HSDL2: variants seen among roughly 807,000 people sequenced by gnomAD.
The protein encoded by HSDL2 is hydroxysteroid dehydrogenase like 2.
HSDL2 carries 27 observed loss-of-function variants against 46.3 expected under a neutral mutation model. The ratio of observed to expected loss-of-function variants is 0.58; its 90% CI spans 0.43 to 0.80. The LOEUF is 0.80. Ranked by LOEUF, HSDL2 falls within the 30% of genes least tolerant of loss-of-function variation. The pLI is 0.00. For missense variants in HSDL2, 451 were observed against 502.7 expected, an observed-to-expected ratio of 0.90 and a Z score of 0.98; for synonymous variants, 153 against 163.6, an observed-to-expected ratio of 0.94 and a Z score of 0.50.
chr9:112,412,310 G>A (rs1796783572), intron 4 of HSDL2, among the ~76,000 whole-genome samples: 1 of 152,186 alleles, frequency 6.6e-6, no homozygotes, highest in African/African-American at 2.4e-5. Context: ...TTCATGACAT[G>A]AAATGACTTC....
rs563423535 is a variant in HSDL2, at chr9:112,464,197, C to T, written c.1144+4620C>T. Among the ~76,000 whole-genome samples, 11 of 150,922 alleles carry T rather than the reference C, an allele frequency of 7.3e-5. No individual in the cohort carries two copies. The South Asian group carries it at 2.3e-3, about 32-fold the overall frequency. On this transcript the variant is annotated intron_variant, in intron 10 of 10. Coordinates refer to ENST00000398805, the MANE Select transcript of HSDL2 (RefSeq NM_032303.5). ...GCCTGAATAACATAGTGAGACCCTG[C>T]TTCTACACACACACAGACACACACA...
chr9:112,398,976 T>A (rs1324602851), intron 1 of HSDL2, among the ~76,000 whole-genome samples: 1 of 152,176 alleles, frequency 6.6e-6, no homozygotes, highest in Non-Finnish European at 1.5e-5. Context: ...TCACCAATTG[T>A]CAGGGAGCCG....
intron 9 of HSDL2, among the ~76,000 whole-genome samples, chr9:112,454,606 G>C (rs911458232): frequency 6.6e-6 from 1 of 152,204 alleles, no homozygotes. Flanking sequence ...GTATGATACA[G>C]TAATTTATCA....
intron 8 of HSDL2, among the ~76,000 whole-genome samples, chr9:112,442,721 T>G (rs1466697087): frequency 6.6e-6 from 1 of 152,158 alleles, no homozygotes; most frequent in Non-Finnish European, 1.5e-5. Flanking sequence ...TATTTTTATC[T>G]TATAGATGCT....
intron 1 of HSDL2, 109 bp downstream of exon 1, chr9:112,380,289 G>T: frequency 9.4e-7 from 1 of 1,064,654 alleles, no homozygotes. Flanking sequence ...GGGAGGTCAA[G>T]GATACTGCCT....
rs551289022 is a variant in HSDL2 at position 112,401,007 on chromosome 9, G to A, written c.18-2988G>A. Among the ~76,000 whole-genome samples, 56 of 152,166 alleles carry A rather than the reference G, an allele frequency of 3.7e-4. 4 individuals carry two copies. In the South Asian group the frequency reaches 0.011, roughly 31 times the overall value. On this transcript the variant is annotated intron_variant, in intron 1 of 10. Transcript: ENST00000398805. ...TTAGGACTTCCACATGCTTTTTGGG[G>A]GACACAATTCAATCAATAACAGGGA...
intron 10 of HSDL2, among the ~76,000 whole-genome samples, chr9:112,464,035 A>G (rs1833298862): frequency 6.6e-6 from 1 of 150,796 alleles, no homozygotes; most frequent in African/African-American, 2.4e-5. Flanking sequence ...AGCTACTTAT[A>G]TTGGGTGAAT....
rs577872448 is a variant in HSDL2 at position 112,471,486 on chromosome 9, G to C, written c.*942G>C. On this transcript the variant is annotated 3_prime_UTR_variant, in exon 11 of 11. Transcript: ENST00000398805. ...GAAGGCAGTTATCTGCAAGCAAAGA[G>C]AGAGGCTTCAGAAGAAACAAAATCA... The C allele has an allele frequency of 1.0e-4, 16 of 152,454 alleles. No homozygotes were observed. Among genetic ancestry groups the C allele is most frequent in the African/African-American group, 3.8e-4 (16 of 41,578 alleles). The allele number at this position is 152,454 out of a possible 1,614,324, so 9.4% of individuals were successfully genotyped here.
At chr9:112,397,396 G>T (rs1831481323) in intron 1 of HSDL2, among the ~76,000 whole-genome samples, 1 of 152,144 alleles carries the variant, frequency 6.6e-6, no homozygotes, top group Non-Finnish European at 1.5e-5. Context: ...AACATACAAA[G>T]GAGAATACCT....
At chr9:112,390,080 A>G (rs920749914) in intron 1 of HSDL2, among the ~76,000 whole-genome samples, 10 of 150,676 alleles carry the variant, frequency 6.6e-5, no homozygotes, top group African/African-American at 2.2e-4. Flanking sequence ...AAATAAATAA[A>G]TAAATAAATA....
intron 1 of HSDL2, among the ~76,000 whole-genome samples, chr9:112,382,816 C>G (rs1417986004): frequency 6.6e-6 from 1 of 152,142 alleles, no homozygotes; most frequent in African/African-American, 2.4e-5. Flanking sequence ...CAAATATTTT[C>G]CACAGTTTTT....
intron 10 of HSDL2, among the ~76,000 whole-genome samples, chr9:112,466,467 C>T (rs566438664): frequency 2.6e-5 from 4 of 151,604 alleles, no homozygotes; most frequent in Admixed American, 2.0e-4. Flanking sequence ...GCAGGAGAAT[C>T]GCTTGAACCC....
chr9:112,399,098 G>A lies in HSDL2; in HGVS notation c.18-4897G>A, dbSNP rs1587932618. ...CCACTTGGCATGCCAGATATTGGGG[G>A]AACCTACCCCTAATATTTCAATGTA... On this transcript the variant is annotated intron_variant, in intron 1 of 10. Coordinates refer to ENST00000398805, the MANE Select transcript of HSDL2 (RefSeq NM_032303.5). 3.9e-5 allele frequency among the ~76,000 whole-genome samples: 6 copies of A among 152,168 alleles called. No individual in the cohort carries two copies. The South Asian group carries it at 1.2e-3, about 32-fold the overall frequency.
chr9:112,380,696 T>C (rs1425066363), intron 1 of HSDL2, among the ~76,000 whole-genome samples: 1 of 152,172 alleles, frequency 6.6e-6, no homozygotes, highest in African/African-American at 2.4e-5. Flanking sequence ...TGTGTTAAAA[T>C]ACGTACAAAA....
At chr9:112,422,935 C>G (rs1832157069) in intron 6 of HSDL2, among the ~76,000 whole-genome samples, 1 of 152,176 alleles carries the variant, frequency 6.6e-6, no homozygotes. Context: ...GGAATAACAT[C>G]TGTACGTTGC....
chr9:112,422,286 G>A (rs550241895), intron 6 of HSDL2, among the ~76,000 whole-genome samples: 1 of 152,106 alleles, frequency 6.6e-6, no homozygotes, highest in African/African-American at 2.4e-5. Context: ...GTACAGCTAA[G>A]AGGACCCAAT....
chr9:112,438,482 A>C lies in HSDL2; in HGVS notation c.650A>C (p.Gln217Pro), dbSNP rs1355778791. ...CTGGGAGGACCTGGTATCGAAAGCC[A>C]GTGTAGAAAAGTTGATATCATTGCA... ...DMLGGPGIES[Q>P]CRKVDIIADA... The change falls in exon 7 of 11, where the codon CAG becomes CCG. Residue 217 changes from glutamine to proline, a missense_variant. By Grantham distance (76) the Gln-to-Pro change is moderately conservative. Coordinates refer to ENST00000398805, the MANE Select transcript of HSDL2 (RefSeq NM_032303.5). 1.2e-6 allele frequency: 2 copies of C among 1,610,378 alleles called. No individual in the cohort carries two copies.
chr9:112,380,575 C>G (rs1246836740), intron 1 of HSDL2, among the ~76,000 whole-genome samples: 1 of 152,066 alleles, frequency 6.6e-6, no homozygotes, highest in East Asian at 1.9e-4. Context: ...GTTCCTGACG[C>G]TCAATTCTAG....
At chr9:112,424,171 A>C (rs1832196583) in intron 6 of HSDL2, among the ~76,000 whole-genome samples, 1 of 151,664 alleles carries the variant, frequency 6.6e-6, no homozygotes, top group Admixed American at 6.6e-5. Context: ...ATACAGAAAA[A>C]TTAGCCGGGC....
Sources: allele counts gnomAD v4.1 joint callset (sites outside exome capture counted in the v4.1 genomes callset), GRCh38; gene constraint gnomAD v4.1.1; transcripts MANE v1.5; gene names NCBI Gene and HGNC (gene_info 2026-07-23, HGNC 2026-07-21).